PTPRD: variants seen among roughly 807,000 people sequenced by gnomAD.
PTPRD encodes protein tyrosine phosphatase receptor type D, also known as receptor-type tyrosine-protein phosphatase delta.
In PTPRD, 34 loss-of-function variants were observed where a neutral mutation model predicts 214.5. That is an observed-to-expected ratio of 0.16 (90% CI 0.12 to 0.21). The LOEUF is 0.21. PTPRD is among the 10% of genes least tolerant of loss of function. The pLI is 1.00. For missense variants in PTPRD, 2,545 were observed against 2,398.7 expected, an observed-to-expected ratio of 1.06 and a Z score of -1.27; for synonymous variants, 1,128 against 845.7, an observed-to-expected ratio of 1.33 and a Z score of -5.79.
intron 10 of PTPRD, among the ~76,000 whole-genome samples, chr9:9,077,678 G>A (rs1415603334): frequency 6.6e-6 from 1 of 152,058 alleles, no homozygotes; most frequent in Non-Finnish European, 1.5e-5. Flanking sequence ...GGAGAGCCTT[G>A]TGAAATATCA....
At chr9:9,679,973 C>G (rs953678234) in intron 7 of PTPRD, among the ~76,000 whole-genome samples, 2 of 151,830 alleles carry the variant, frequency 1.3e-5, no homozygotes, top group Admixed American at 6.6e-5. Context: ...TTGAATACTT[C>G]TCTTGCTTTT....
In PTPRD at chr9:9,650,238, A is replaced by T. The variant is rs1390886135; in HGVS notation, c.-286-75457T>A. ...TGCTTCCCCATTGCCTTCTGCCATA[A>T]TTATAAGCTTCCTGAGGCCTCCCCA... On this transcript the variant is annotated intron_variant, in intron 7 of 45. Transcript: ENST00000381196. Among the ~76,000 whole-genome samples, 3 of 152,172 alleles carry T rather than the reference A, an allele frequency of 2.0e-5. No homozygotes were observed. In the East Asian group the frequency reaches 5.8e-4, roughly 29 times the overall value.
chr9:8,488,087 G>A lies in PTPRD; in HGVS notation c.2468-1738C>T, dbSNP rs76777639. On this transcript the variant is annotated intron_variant, in intron 27 of 45. Transcript: ENST00000381196. ...GAAAGGAGGAAAGCTTACAGTAATG[G>A]GAAACAGGTGATAAAAAATCATACC... is the stretch of plus-strand genomic sequence containing the variant. Among the ~76,000 whole-genome samples the A allele has an allele frequency of 3.9e-3, 597 of 151,992 alleles. 8 individuals carry two copies. The highest frequency in any genetic ancestry group is 0.037 in the East Asian group (189 of 5,142).
chr9:10,528,288 G>T (rs140729030), intron 2 of PTPRD, among the ~76,000 whole-genome samples: 2 of 152,246 alleles, frequency 1.3e-5, no homozygotes, highest in Non-Finnish European at 2.9e-5. Flanking sequence ...CTGTGCATCC[G>T]TGCATGAGTT....
intron 3 of PTPRD, among the ~76,000 whole-genome samples, chr9:10,259,894 T>C (rs2093580085): frequency 6.6e-6 from 1 of 152,126 alleles, no homozygotes; most frequent in Non-Finnish European, 1.5e-5. Context: ...GAACTCCCTC[T>C]GTCATACTGA....
intron 7 of PTPRD, among the ~76,000 whole-genome samples, chr9:9,592,980 G>C (rs2092894591): frequency 6.6e-6 from 1 of 151,900 alleles, no homozygotes; most frequent in African/African-American, 2.4e-5. Flanking sequence ...GGGAGGTGGA[G>C]GCTGCAGTGA....
intron 44 of PTPRD, 120 bp downstream of exon 44, chr9:8,331,457 TTTAAG>T: frequency 9.1e-7 from 1 of 1,099,370 alleles, no homozygotes; most frequent in Non-Finnish European, 1.3e-6. Flanking sequence ...TCAATCCTGC[TTTAAG>T]TTTTGTAATA....
intron 5 of PTPRD, among the ~76,000 whole-genome samples, chr9:9,800,878 A>G (rs2099035223): frequency 2.0e-5 from 3 of 152,120 alleles, no homozygotes; most frequent in Admixed American, 2.0e-4. Context: ...TTTAATAAAC[A>G]TTTCTTAAGG....
intron 12 of PTPRD, among the ~76,000 whole-genome samples, chr9:8,687,320 T>G (rs1339295750): frequency 6.6e-6 from 1 of 152,216 alleles, no homozygotes; most frequent in East Asian, 1.9e-4. Context: ...CTCTCAAAAC[T>G]CTGCCAGAAA....
chr9:9,533,653 A>C lies in PTPRD; in HGVS notation c.-237+41079T>G, dbSNP rs563961391. Among the ~76,000 whole-genome samples, 17 of 152,204 alleles carry C rather than the reference A, an allele frequency of 1.1e-4. No homozygotes were observed. The East Asian group carries it at 3.1e-3, about 28-fold the overall frequency. On this transcript the variant is annotated intron_variant, in intron 8 of 45. Coordinates refer to ENST00000381196, the MANE Select transcript of PTPRD (RefSeq NM_002839.4). ...CAAATAACACTTAATTTCATATAAT[A>C]ATTTGTTGTATCTAATTTTCACTTA... is the stretch of plus-strand genomic sequence containing the variant.
chr9:8,511,868 T>C lies in PTPRD; in HGVS notation c.1544-4434A>G, dbSNP rs1592402247. On this transcript the variant is annotated intron_variant, in intron 21 of 45. Coordinates refer to ENST00000381196, the MANE Select transcript of PTPRD (RefSeq NM_002839.4). ...TACTGATACATGTTAAGTACTTGAG[T>C]ATTACTATAATTACACTCTATATAA... Among the ~76,000 whole-genome samples, 3 of 152,194 alleles carry C rather than the reference T, an allele frequency of 2.0e-5. No individual in the cohort carries two copies. In the South Asian group the frequency reaches 6.2e-4, roughly 32 times the overall value.
At chr9:8,648,523 T>C (rs1243816559) in intron 12 of PTPRD, among the ~76,000 whole-genome samples, 1 of 152,246 alleles carries the variant, frequency 6.6e-6, no homozygotes, top group Non-Finnish European at 1.5e-5. Context: ...AAACATGTTA[T>C]CAGCAACACC....
chr9:8,379,822 T>C (rs1003154847), intron 37 of PTPRD, among the ~76,000 whole-genome samples: 1 of 152,138 alleles, frequency 6.6e-6, no homozygotes, highest in Non-Finnish European at 1.5e-5. Flanking sequence ...TGATTTAGAA[T>C]GGATACAAGC....
intron 14 of PTPRD, among the ~76,000 whole-genome samples, chr9:8,626,057 C>T (rs1275642362): frequency 1.3e-5 from 2 of 151,666 alleles, no homozygotes; most frequent in African/African-American, 4.8e-5. Context: ...CTAGATGAGG[C>T]ATTTGGCATA....
intron 5 of PTPRD, among the ~76,000 whole-genome samples, chr9:9,807,870 A>T (rs1348270360): frequency 6.6e-6 from 1 of 152,194 alleles, no homozygotes; most frequent in African/African-American, 2.4e-5. Context: ...CTGATGACTC[A>T]TATAATTCTG....
intron 3 of PTPRD, among the ~76,000 whole-genome samples, chr9:10,037,233 C>T (rs551931661): frequency 1.3e-5 from 2 of 152,098 alleles, no homozygotes; most frequent in African/African-American, 2.4e-5. Context: ...TTGTCCCCAC[C>T]CAAATCTCAT....
intron 37 of PTPRD, among the ~76,000 whole-genome samples, chr9:8,385,930 G>T (rs1406436641): frequency 6.6e-6 from 1 of 152,092 alleles, no homozygotes; most frequent in African/African-American, 2.4e-5. Flanking sequence ...TGGAGAGGTT[G>T]GTCAGGATTC....
chr9:9,664,292 T>G (rs977516076), intron 7 of PTPRD, among the ~76,000 whole-genome samples: 2 of 151,546 alleles, frequency 1.3e-5, no homozygotes, highest in African/African-American at 4.8e-5. Context: ...AGTGAATAAC[T>G]TGATAAAATA....
At chr9:9,514,358 T>A (rs1429967603) in intron 8 of PTPRD, among the ~76,000 whole-genome samples, 1 of 151,970 alleles carries the variant, frequency 6.6e-6, no homozygotes, top group African/African-American at 2.4e-5. Flanking sequence ...ATCTGGATAG[T>A]TATAGTGGTC....
Sources: gnomAD v4.1 joint callset for allele counts (sites outside exome capture counted in the v4.1 genomes callset) on GRCh38, gnomAD v4.1.1 for gene constraint, MANE v1.5 for transcripts, NCBI Gene and HGNC (gene_info 2026-07-23, HGNC 2026-07-21) for gene names.